Variants in MERTK observed in about 807,000 individuals in gnomAD.
MERTK encodes the protein tyrosine-protein kinase Mer.
Under a neutral mutation model 99.3 loss-of-function variants are expected in MERTK, and 69 were observed. The observed-to-expected ratio is 0.70, with a 90% CI of 0.57 to 0.85. MERTK has a LOEUF of 0.85. Among genes scored for constraint, MERTK ranks in the 40% least tolerant of loss-of-function variants. The probability of loss-of-function intolerance (pLI) is 0.00; values close to 1 mark genes in which losing one functional copy is unlikely to be tolerated. For synonymous variants in MERTK, 426 were observed against 467.6 expected, an observed-to-expected ratio of 0.91 and a Z score of 1.15; for missense variants, 1,125 against 1,249.4, an observed-to-expected ratio of 0.90 and a Z score of 1.50.
intron 4 of MERTK, among the ~76,000 whole-genome samples, chr2:111,964,190 A>C (rs116166579): frequency 1.3e-5 from 2 of 151,994 alleles, no homozygotes; most frequent in African/African-American, 4.8e-5. Flanking sequence ...AGGTTTGTCT[A>C]TTCTCTCCAA....
chr2:112,016,768 A>G (rs1677225175), intron 15 of MERTK, among the ~76,000 whole-genome samples: 1 of 152,210 alleles, frequency 6.6e-6, no homozygotes, highest in South Asian at 2.1e-4. Flanking sequence ...GGAAGAAATG[A>G]GTTCTGACTG....
At chr2:111,992,398 C>A (rs1052737506) in intron 8 of MERTK, among the ~76,000 whole-genome samples, 5 of 152,012 alleles carry the variant, frequency 3.3e-5, no homozygotes, top group Admixed American at 6.6e-5. Context: ...AAGCTCTGCA[C>A]CCCTTCCCAT....
intron 1 of MERTK, among the ~76,000 whole-genome samples, chr2:111,910,277 T>TG (rs1293616581): frequency 6.6e-6 from 1 of 150,954 alleles, no homozygotes; most frequent in Non-Finnish European, 1.5e-5. Context: ...TTTTTTGTTT[T>TG]TTTTTTTTTG....
intron 1 of MERTK, among the ~76,000 whole-genome samples, chr2:111,908,406 A>G (rs1243921222): frequency 6.6e-6 from 1 of 152,086 alleles, no homozygotes. Flanking sequence ...TCACTACTTG[A>G]CGTAAGAAGT....
At chr2:111,910,101 C>A (rs1019991553) in intron 1 of MERTK, among the ~76,000 whole-genome samples, 2 of 152,086 alleles carry the variant, frequency 1.3e-5, no homozygotes, top group Non-Finnish European at 2.9e-5. Flanking sequence ...CTGGTCTCTA[C>A]TAGAAATAAA....
intron 11 of MERTK, 123 bp downstream of exon 11, chr2:112,001,409 C>T: frequency 3.7e-6 from 3 of 821,476 alleles, no homozygotes; most frequent in South Asian, 1.4e-5. Context: ...TTTTAATGTA[C>T]AAAATGTCTT....
intron 1 of MERTK, among the ~76,000 whole-genome samples, chr2:111,914,265 G>A (rs62161117): frequency 0.059 from 8,915 of 151,432 alleles, 387 homozygotes; most frequent in South Asian, 0.19. Flanking sequence ...CACCACGCCC[G>A]GCTAATTTTT....
At chr2:111,953,200 A>G (rs1261113509) in intron 4 of MERTK, among the ~76,000 whole-genome samples, 3 of 152,216 alleles carry the variant, frequency 2.0e-5, no homozygotes, top group East Asian at 3.8e-4. Context: ...AACCATGATG[A>G]TGGAAATCCT....
intron 4 of MERTK, among the ~76,000 whole-genome samples, chr2:111,964,118 G>GT (rs1208236398): frequency 7.1e-6 from 1 of 141,490 alleles, no homozygotes; most frequent in Non-Finnish European, 1.5e-5. Flanking sequence ...GGAGTGGGGA[G>GT]TTATGCTCCA....
At chr2:111,963,720 C>A (rs905511704) in intron 4 of MERTK, among the ~76,000 whole-genome samples, 2 of 152,170 alleles carry the variant, frequency 1.3e-5, no homozygotes, top group Admixed American at 6.5e-5. Flanking sequence ...CGAAGAATTT[C>A]TCTTAGTACA....
intron 4 of MERTK, among the ~76,000 whole-genome samples, chr2:111,961,397 C>T (rs1018998266): frequency 1.3e-5 from 2 of 151,698 alleles, no homozygotes; most frequent in African/African-American, 2.4e-5. Context: ...TCCTGACCTC[C>T]GCCCGCCTCA....
intron 10 of MERTK, among the ~76,000 whole-genome samples, chr2:111,999,013 TA>T (rs200351950): frequency 6.6e-6 from 1 of 152,202 alleles, no homozygotes; most frequent in Non-Finnish European, 1.5e-5. Context: ...TATATTTTTT[TA>T]AAAATCAGAT....
chr2:111,923,034 C>G (rs1684494491), intron 1 of MERTK, among the ~76,000 whole-genome samples: 1 of 152,242 alleles, frequency 6.6e-6, no homozygotes. Context: ...TCTCCAAGTT[C>G]TGTCTCCAGC....
At chr2:112,003,566 G>A (rs181714746) in intron 12 of MERTK, 9 of 361,908 alleles carry the variant, frequency 2.5e-5, no homozygotes, top group Middle Eastern at 8.4e-4. Context: ...TTGTTAAGTT[G>A]TTCTTAGGAT....
chr2:111,962,651 C>G (rs35189728), intron 4 of MERTK, among the ~76,000 whole-genome samples: 31,670 of 152,116 alleles, frequency 0.21, 4,000 homozygotes, highest in Middle Eastern at 0.36. Context: ...ATTGATGAAC[C>G]AATACGGATA....
At chr2:111,937,506 G>A (rs1314322430) in intron 2 of MERTK, among the ~76,000 whole-genome samples, 1 of 152,030 alleles carries the variant, frequency 6.6e-6, no homozygotes, top group Non-Finnish European at 1.5e-5. Flanking sequence ...TTCCTTTGGG[G>A]CCCCCATCTC....
chr2:112,001,380 G>A lies in MERTK; in HGVS notation c.1690+94G>A, dbSNP rs139857948. On this transcript the variant is annotated intron_variant, in intron 11 of 18. Transcript: ENST00000295408. ...CAGATTTCTAACAAAAGCCAAAGAT[G>A]TCGAAGAAGAATGGATATTTTTAAT... 5,339 of 1,010,190 alleles carry A rather than the reference G, an allele frequency of 5.3e-3. 35 individuals are homozygous for A. The highest frequency in any genetic ancestry group is 0.022 in the Middle Eastern group (106 of 4,926). 62.6% of individuals were successfully genotyped at this position (1,010,190 alleles called of 1,614,324 possible).
At chr2:111,962,110 A>G (rs539527926) in intron 4 of MERTK, among the ~76,000 whole-genome samples, 23 of 152,374 alleles carry the variant, frequency 1.5e-4, no homozygotes, top group African/African-American at 5.3e-4. Flanking sequence ...CAACAATTTT[A>G]TGAAGATACT....
chr2:111,990,828 A>G (rs1371407463), intron 8 of MERTK, among the ~76,000 whole-genome samples: 4 of 152,230 alleles, frequency 2.6e-5, no homozygotes, highest in African/African-American at 9.6e-5. Flanking sequence ...GGATGCTCAA[A>G]CTGTATTATA....
Sources: gnomAD v4.1 joint callset for allele counts (sites outside exome capture counted in the v4.1 genomes callset) on GRCh38, gnomAD v4.1.1 for gene constraint, MANE v1.5 for transcripts, NCBI Gene and HGNC (gene_info 2026-07-23, HGNC 2026-07-21) for gene names.